ALG8: variants seen among roughly 807,000 people sequenced by gnomAD.
The protein encoded by ALG8 is ALG8 alpha-1,3-glucosyltransferase.
Under a neutral mutation model 70.2 loss-of-function variants are expected in ALG8, and 48 were observed. The observed-to-expected ratio is 0.68, with a 90% CI of 0.54 to 0.87. The LOEUF (loss-of-function observed/expected upper bound fraction) is 0.87. Among genes scored for constraint, ALG8 ranks in the 40% least tolerant of loss-of-function variants. ALG8 has a pLI of 0.00. For synonymous variants in ALG8, 234 were observed against 229.0 expected (o/e 1.02, Z -0.20); for missense variants, 572 against 608.7 (o/e 0.94, Z 0.64).
In ALG8 at chr11:78,130,163, G is replaced by C. The variant is rs73501286; in HGVS notation, c.96-2727C>G. 6.8e-3 allele frequency among the ~76,000 whole-genome samples: 1,033 copies of C among 152,034 alleles called. 7 individuals are homozygous for C. The highest frequency in any genetic ancestry group is 0.024 in the African/African-American group (999 of 41,460). ...GCTCAGGAGTTCAAGACCAGCCTGG[G>C]TAACAATGAGACCCCATCTCTCAAA... is the stretch of plus-strand genomic sequence containing the variant. On this transcript the variant is annotated intron_variant, in intron 1 of 12. Transcript: ENST00000299626.
At chr11:78,102,516 G>A (rs189227461) in intron 12 of ALG8, among the ~76,000 whole-genome samples, 140 of 152,244 alleles carry the variant, frequency 9.2e-4, no homozygotes, top group African/African-American at 3.2e-3. Flanking sequence ...GAATACTGAT[G>A]TACAAGTATC....
intron 1 of ALG8, chr11:78,138,979 ATTCTTT>A (rs1861677261): frequency 2.9e-6 from 1 of 343,004 alleles, no homozygotes; most frequent in Non-Finnish European, 5.7e-6. Flanking sequence ...CACATCACTT[ATTCTTT>A]TTCATTTTTT....
At chr11:78,130,820 T>C (rs182109552) in intron 1 of ALG8, among the ~76,000 whole-genome samples, 130 of 152,294 alleles carry the variant, frequency 8.5e-4, no homozygotes, top group Admixed American at 1.6e-3. Flanking sequence ...GTGTTTTTTT[T>C]CTGAAATTTT....
At chr11:78,131,160 T>G (rs7946959) in intron 1 of ALG8, among the ~76,000 whole-genome samples, 2,023 of 152,264 alleles carry the variant, frequency 0.013, 50 homozygotes, top group African/African-American at 0.045. Context: ...GACTTCACTT[T>G]TGTTGGAGTG....
In ALG8 at chr11:78,109,502, G is replaced by T; in HGVS notation, c.978C>A (p.His326Gln). ...MTSGLVQQFQ[H>Q]TVLPSVTPLA... Reference sequence around the variant, plus strand: ...AGGGAGTCACTGAGGGAAGGACTGTGTGTTGGAACTGCTGAACCAAACCAC... The same window carrying T: ...AGGGAGTCACTGAGGGAAGGACTGTTTGTTGGAACTGCTGAACCAAACCAC... The change falls in exon 9 of 13, where the codon CAC (histidine) becomes CAA (glutamine). Residue 326 changes from histidine to glutamine, a missense_variant. Physicochemically the swap from His to Gln is conservative, Grantham distance 24. Coordinates refer to ENST00000299626, the MANE Select transcript of ALG8 (RefSeq NM_024079.5). 1 of 1,614,190 alleles carries T rather than the reference G, an allele frequency of 6.2e-7. No individual in the cohort carries two copies. Among genetic ancestry groups the T allele is most frequent in the South Asian group, 1.1e-5 (1 of 91,088 alleles).
intron 12 of ALG8, among the ~76,000 whole-genome samples, chr11:78,102,299 A>G (rs930280573): frequency 2.0e-5 from 3 of 152,158 alleles, no homozygotes; most frequent in African/African-American, 7.2e-5. Flanking sequence ...AGAATTTCCT[A>G]TCAGTGGAAC....
intron 1 of ALG8, among the ~76,000 whole-genome samples, chr11:78,127,994 G>A (rs1861150688): frequency 6.6e-6 from 1 of 152,264 alleles, no homozygotes; most frequent in African/African-American, 2.4e-5. Context: ...GAGCCACCAC[G>A]CCCGGCCTAG....
chr11:78,121,757 C>A (rs1860835976), intron 3 of ALG8, among the ~76,000 whole-genome samples: 2 of 152,020 alleles, frequency 1.3e-5, no homozygotes, highest in Non-Finnish European at 2.9e-5. Flanking sequence ...AAACTGCAGA[C>A]CAGGCTAATT....
At chr11:78,115,992 T>C (rs964357594) in intron 5 of ALG8, among the ~76,000 whole-genome samples, 11 of 152,228 alleles carry the variant, frequency 7.2e-5, no homozygotes, top group African/African-American at 2.4e-4. Context: ...TATAGCACTA[T>C]CAGGCTGAAG....
At chr11:78,127,466 A>T (rs1480176027) in intron 1 of ALG8, 30 bp from the exon 2 acceptor site, 1 of 1,579,726 alleles carries the variant, frequency 6.3e-7, no homozygotes, top group Non-Finnish European at 8.7e-7. Context: ...AAATAAAATG[A>T]GATTTTGCAA....
chr11:78,127,712 C>CTTTTTTTTTTTTTTTTT (rs1192507872), intron 1 of ALG8, among the ~76,000 whole-genome samples: 4 of 132,908 alleles, frequency 3.0e-5, no homozygotes, highest in Non-Finnish European at 6.5e-5. Context: ...TTTTTCTTTT[C>CTTTTTTTTTTTTTTTTT]TTTTTTTTTT....
chr11:78,101,132 T>C lies in ALG8; in HGVS notation c.1413A>G (p.Glu471=), dbSNP rs1859777750. The C allele has an allele frequency of 1.2e-6, 2 of 1,614,216 alleles. No homozygotes were observed. Residue 471 remains glutamate (E), a synonymous_variant, in exon 13 of 13, where the codon GAA becomes GAG. Transcript: ENST00000299626. ...AAGGGAATACAAATTCACAGCAGACTTCCAGAGGCCCCAGGCCAAGCAGGT... is the reference window on the plus strand; with the variant it reads ...AAGGGAATACAAATTCACAGCAGACCTCCAGAGGCCCCAGGCCAAGCAGGT... ...TFYLLGLGPL[E]VCCEFVFPFT...
intron 12 of ALG8, chr11:78,102,951 C>CAAA: frequency 2.5e-5 from 3 of 119,658 alleles, no homozygotes; most frequent in South Asian, 2.7e-4. Context: ...AACTCCGTCT[C>CAAA]AAAAAAAAAA....
intron 7 of ALG8, among the ~76,000 whole-genome samples, chr11:78,113,100 T>C (rs1860381058): frequency 6.6e-6 from 1 of 152,212 alleles, no homozygotes; most frequent in South Asian, 2.1e-4. Flanking sequence ...GCTGGGAAAC[T>C]ACAAAAGATG....
chr11:78,137,502 C>T (rs1861602065), intron 1 of ALG8: 1 of 152,256 alleles, frequency 6.6e-6, no homozygotes, highest in African/African-American at 2.4e-5. Flanking sequence ...TTTCAGGATG[C>T]CTTCCTCATC....
intron 3 of ALG8, 93 bp from the exon 4 acceptor site, chr11:78,121,267 C>T: frequency 1.1e-6 from 1 of 899,884 alleles, no homozygotes; most frequent in Non-Finnish European, 1.8e-6. Context: ...TTAGTCATTC[C>T]TGACAAACTA....
intron 5 of ALG8, among the ~76,000 whole-genome samples, chr11:78,116,608 A>C (rs909823154): frequency 6.6e-6 from 1 of 151,800 alleles, no homozygotes; most frequent in Non-Finnish European, 1.5e-5. Flanking sequence ...GGTCCCAGCT[A>C]ACTGGAGGCT....
Position 78,109,506 on chromosome 11 carries a change from T to C in ALG8, c.974A>G (p.Gln325Arg), listed in dbSNP as rs1257485152. The C allele has an allele frequency of 1.9e-6, 3 of 1,614,112 alleles. No homozygotes were observed. The African/African-American group carries it at 4.0e-5, about 22-fold the overall frequency. Residue 325 changes from glutamine to arginine, a missense_variant, in exon 9 of 13, where the codon CAA (glutamine) becomes CGA (arginine). Physicochemically the swap from Gln to Arg is conservative, Grantham distance 43. Transcript: ENST00000299626. ...SMTSGLVQQF[Q>R]HTVLPSVTPL... ...AGTCACTGAGGGAAGGACTGTGTGT[T>C]GGAACTGCTGAACCAAACCACTTGT...
chr11:78,137,907 G>A (rs917573350), intron 1 of ALG8, among the ~76,000 whole-genome samples: 9 of 152,126 alleles, frequency 5.9e-5, no homozygotes, highest in Admixed American at 3.3e-4. Flanking sequence ...GAGAGTTACC[G>A]CAGCCTTCAA....
Sources: allele counts gnomAD v4.1 joint callset (sites outside exome capture counted in the v4.1 genomes callset), GRCh38; gene constraint gnomAD v4.1.1; transcripts MANE v1.5; gene names NCBI Gene and HGNC (gene_info 2026-07-23, HGNC 2026-07-21).